The following RAPGEF1 variants were observed in gnomAD, a reference collection of about 807,000 sequenced individuals.
RAPGEF1 encodes Rap guanine nucleotide exchange factor 1.
A neutral mutation model predicts 143.3 loss-of-function variants in RAPGEF1; 33 were observed. The ratio of observed to expected loss-of-function variants is 0.23; its 90% confidence interval spans 0.17 to 0.31. The LOEUF is 0.31. Ranked by LOEUF, RAPGEF1 falls within the 10% of genes least tolerant of loss-of-function variation. The probability of loss-of-function intolerance (pLI) is 1.00; values close to 1 mark genes in which losing one functional copy is unlikely to be tolerated. For synonymous variants in RAPGEF1, 629 were observed against 676.5 expected (o/e 0.93, Z 1.09); for missense variants, 1,199 against 1,645.4 (o/e 0.73, Z 4.69).
intron 12 of RAPGEF1, among the ~76,000 whole-genome samples, chr9:131,610,569 T>C (rs1233577882): frequency 6.6e-6 from 1 of 152,220 alleles, no homozygotes; most frequent in Non-Finnish European, 1.5e-5. Flanking sequence ...AGATAAGCTA[T>C]TGGACAGCTG....
At chr9:131,678,229 T>C (rs1423766915) in intron 1 of RAPGEF1, among the ~76,000 whole-genome samples, 1 of 152,210 alleles carries the variant, frequency 6.6e-6, no homozygotes, top group Non-Finnish European at 1.5e-5. Context: ...TTCGTTTGGT[T>C]CTAAGTTTCC....
At position 131,712,827 on chromosome 9, in the gene RAPGEF1, C is replaced by G. The variant is rs187572211; in HGVS notation, c.61+26943G>C. On this transcript the variant is annotated intron_variant, in intron 1 of 26. Transcript: ENST00000683357. The stretch of plus-strand genomic sequence containing the variant: ...GGTCCAACCCTTCTCAATCATGGCT[C>G]CCCCAAAATAACTCCAATGTGAACT... Among the ~76,000 whole-genome samples the G allele has an allele frequency of 1.1e-4, 16 of 152,230 alleles. No individual in the cohort carries two copies. The East Asian group carries it at 3.1e-3, about 29-fold the overall frequency.
intron 1 of RAPGEF1, among the ~76,000 whole-genome samples, chr9:131,730,608 T>C (rs530926202): frequency 1.1e-4 from 16 of 145,282 alleles, no homozygotes; most frequent in Admixed American, 3.5e-4. Context: ...GGCAGAAGAA[T>C]TGCTTGAACC....
intron 12 of RAPGEF1, among the ~76,000 whole-genome samples, chr9:131,613,222 G>A (rs965894927): frequency 6.6e-6 from 1 of 150,918 alleles, no homozygotes; most frequent in African/African-American, 2.4e-5. Flanking sequence ...GGTGTGCTCA[G>A]GTTCATACAG....
chr9:131,716,025 C>T (rs554156275), intron 1 of RAPGEF1, among the ~76,000 whole-genome samples: 8 of 152,260 alleles, frequency 5.3e-5, no homozygotes, highest in Admixed American at 2.0e-4. Flanking sequence ...GCTAGCCCGC[C>T]GACCCACGTC....
chr9:131,735,573 A>G (rs1454332573), intron 1 of RAPGEF1, among the ~76,000 whole-genome samples: 1 of 152,192 alleles, frequency 6.6e-6, no homozygotes, highest in Admixed American at 6.5e-5. Flanking sequence ...TCCCTGATGA[A>G]TGAGGGATGG....
chr9:131,592,273 G>A (rs1954429232), intron 17 of RAPGEF1, 90 bp from the exon 18 acceptor site: 9 of 1,028,494 alleles, frequency 8.8e-6, no homozygotes, highest in Non-Finnish European at 1.0e-5. Flanking sequence ...TGCTCTGAGA[G>A]AGGCAGGGGA....
In RAPGEF1 at chr9:131,628,311, A is replaced by C. The variant is rs1963867557; in HGVS notation, c.1018-215T>G. 6.6e-6 allele frequency among the ~76,000 whole-genome samples: 1 copy of C among 151,982 alleles called. No homozygotes were observed. Among genetic ancestry groups the C allele is most frequent in the South Asian group, 2.1e-4 (1 of 4,814 alleles). On this transcript the variant is annotated intron_variant, in intron 8 of 26. Transcript: ENST00000683357. This position sits in a 1 kb window ranked among gnomAD's most constrained non-coding sequence, Gnocchi z 5.7. ...TGGCCAGGGAGGGCCCTGGGGCTGG[A>C]CTCACCTATCCCCAGGAGACGCCCT...
chr9:131,737,302 T>C (rs1446539053), intron 1 of RAPGEF1: 1 of 1,573,574 alleles, frequency 6.4e-7, no homozygotes, highest in African/African-American at 1.4e-5. Flanking sequence ...TTTCTCCCTG[T>C]CTCCACCAGG....
chr9:131,620,028 T>G (rs753883776), intron 11 of RAPGEF1, among the ~76,000 whole-genome samples: 1 of 152,124 alleles, frequency 6.6e-6, no homozygotes, highest in Non-Finnish European at 1.5e-5. Flanking sequence ...GCAGGGACCA[T>G]GTAGAGCCAG....
chr9:131,672,200 C>T (rs138342334), intron 1 of RAPGEF1, among the ~76,000 whole-genome samples: 20 of 152,324 alleles, frequency 1.3e-4, no homozygotes, highest in Non-Finnish European at 2.4e-4. Flanking sequence ...GGAGAAGTAG[C>T]TAAGGCAGAG....
At position 131,626,161 on chromosome 9, in the gene RAPGEF1, C is replaced by A. The variant is rs752450181; in HGVS notation, c.1463G>T (p.Gly488Val). The A allele has an allele frequency of 1.2e-6, 2 of 1,613,764 alleles. No individual in the cohort carries two copies. The highest frequency in any genetic ancestry group is 1.7e-6 in the Non-Finnish European group (2 of 1,179,884). The change falls in exon 10 of 27, where the codon GGC (glycine) becomes GTC (valine). Residue 488 changes from glycine to valine, a missense_variant. Physicochemically the swap from Gly to Val is moderately radical, Grantham distance 109. This residue lies in a region of RAPGEF1 where 613 missense variants were observed against 710.9 expected (regional missense o/e 0.86). Coordinates refer to ENST00000683357, the MANE Select transcript of RAPGEF1 (RefSeq NM_001377935.1). ...RRSAASQTAD[G>V]SGCRVSYERH... ...CTCGTAGGACACCCTGCAGCCAGAG[C>A]CGTCCGCCGTCTGGGAGGCTGCGCT... is the stretch of plus-strand genomic sequence containing the variant.
chr9:131,670,252 G>A (rs540010339), intron 1 of RAPGEF1, among the ~76,000 whole-genome samples: 4 of 152,286 alleles, frequency 2.6e-5, no homozygotes, highest in East Asian at 1.9e-4. Context: ...GAGGGCTCAC[G>A]TCTGCTCTTG....
chr9:131,732,175 A>G (rs142744738), intron 1 of RAPGEF1, among the ~76,000 whole-genome samples: 3 of 152,276 alleles, frequency 2.0e-5, no homozygotes, highest in African/African-American at 7.2e-5. Flanking sequence ...CACGCTGCAC[A>G]GTCATCCTGG....
At chr9:131,605,442 CAG>C (rs1192348565) in intron 12 of RAPGEF1, among the ~76,000 whole-genome samples, 1 of 152,166 alleles carries the variant, frequency 6.6e-6, no homozygotes, top group African/African-American at 2.4e-5. Context: ...CAGCATGACA[CAG>C]AGAACGGCTC....
intron 15 of RAPGEF1, 73 bp from the exon 16 acceptor site, chr9:131,598,383 G>T: frequency 1.5e-6 from 2 of 1,347,326 alleles, no homozygotes; most frequent in Non-Finnish European, 2.1e-6. Context: ...CCAAGGCAGT[G>T]CCGGTGTGCA....
intron 15 of RAPGEF1, among the ~76,000 whole-genome samples, chr9:131,600,845 GT>G (rs1400910020): frequency 6.6e-6 from 1 of 152,084 alleles, no homozygotes; most frequent in East Asian, 1.9e-4. Flanking sequence ...ACTTGGTCAG[GT>G]TTGGTTTATG....
chr9:131,597,650 C>G (rs1277219193), intron 16 of RAPGEF1, among the ~76,000 whole-genome samples: 1 of 152,188 alleles, frequency 6.6e-6, no homozygotes. Flanking sequence ...GGTTTGGGCC[C>G]TTTTTCACCA....
chr9:131,694,801 T>C (rs1478934879), intron 1 of RAPGEF1, among the ~76,000 whole-genome samples: 2 of 151,556 alleles, frequency 1.3e-5, no homozygotes, highest in Non-Finnish European at 2.9e-5. Context: ...CACTTTCTTT[T>C]TTTTTTTTTT....
Sources: gnomAD v4.1 joint callset for allele counts (sites outside exome capture counted in the v4.1 genomes callset) on GRCh38, gnomAD v4.1.1 for gene constraint, gnomAD v4.1.1 regional missense constraint, Gnocchi (gnomAD v3.1) non-coding constraint, MANE v1.5 for transcripts, NCBI Gene and HGNC (gene_info 2026-07-23, HGNC 2026-07-21) for gene names.